The following MYOF variants were observed in gnomAD, a reference collection of about 807,000 sequenced individuals.
MYOF encodes the protein myoferlin, also known as fer-1-like 3, myoferlin.
Under a neutral mutation model 284.2 loss-of-function variants are expected in MYOF, and 244 were observed. The ratio of observed to expected loss-of-function variants is 0.86; its 90% CI spans 0.77 to 0.95. The LOEUF (loss-of-function observed/expected upper bound fraction) is 0.95. MYOF is among the 40% of genes least tolerant of loss of function. The pLI, the probability that MYOF is intolerant of heterozygous loss-of-function variation, is 0.00. For synonymous variants in MYOF, 904 were observed against 919.7 expected (o/e 0.98, Z 0.31); for missense variants, 2,496 against 2,560.6 (o/e 0.97, Z 0.54).
At chr10:93,366,975 T>G (rs10882223) in intron 25 of MYOF, among the ~76,000 whole-genome samples, 13,274 of 152,282 alleles carry the variant, frequency 0.087, 657 homozygotes, top group African/African-American at 0.15. Flanking sequence ...TTTATAAAAT[T>G]TATTTGTAAG....
At chr10:93,430,084 G>A (rs138058957) in intron 4 of MYOF, among the ~76,000 whole-genome samples, 1,596 of 151,776 alleles carry the variant, frequency 0.011, 24 homozygotes, top group African/African-American at 0.036. Context: ...ACAGGCACGT[G>A]CCACCATGCC....
intron 13 of MYOF, 27 bp downstream of exon 13, chr10:93,399,365 G>T (rs1429552384): frequency 1.3e-6 from 2 of 1,489,096 alleles, no homozygotes; most frequent in Non-Finnish European, 1.9e-6. Context: ...ATTACTAGCA[G>T]CATCTGCATT....
chr10:93,410,819 C>T (rs939011170), intron 5 of MYOF, among the ~76,000 whole-genome samples: 1 of 152,204 alleles, frequency 6.6e-6, no homozygotes, highest in Non-Finnish European at 1.5e-5. Context: ...GATTTAATTT[C>T]CAAGGACAGT....
At chr10:93,346,936 T>C (rs1844209949) in intron 37 of MYOF, among the ~76,000 whole-genome samples, 1 of 152,182 alleles carries the variant, frequency 6.6e-6, no homozygotes, top group Non-Finnish European at 1.5e-5. Flanking sequence ...ATCACTGATG[T>C]GGGAACAGCT....
intron 37 of MYOF, among the ~76,000 whole-genome samples, chr10:93,345,086 C>A (rs1167720012): frequency 2.6e-5 from 4 of 152,174 alleles, no homozygotes; most frequent in Non-Finnish European, 5.9e-5. Flanking sequence ...AAGGCCAGAA[C>A]CTAGACAGAA....
chr10:93,430,499 T>C (rs1848793842), intron 4 of MYOF, among the ~76,000 whole-genome samples: 1 of 151,190 alleles, frequency 6.6e-6, no homozygotes. Context: ...GAAGAATCAC[T>C]TGAACCCAGG....
intron 1 of MYOF, among the ~76,000 whole-genome samples, chr10:93,481,569 TC>T: frequency 6.6e-6 from 1 of 151,966 alleles, no homozygotes; most frequent in East Asian, 1.9e-4. Flanking sequence ...CAAAAAAAGC[TC>T]CCCAACAGTT....
chr10:93,452,204 C>T, intron 2 of MYOF, 63 bp from the exon 3 acceptor site: 1 of 965,878 alleles, frequency 1.0e-6, no homozygotes, highest in Non-Finnish European at 1.6e-6. Flanking sequence ...GCAGAGATTA[C>T]ACTAAGATGC....
chr10:93,481,533 G>T (rs1373847124), intron 1 of MYOF, among the ~76,000 whole-genome samples: 9 of 152,106 alleles, frequency 5.9e-5, no homozygotes, highest in Non-Finnish European at 8.8e-5. Context: ...TTTCCTCAAT[G>T]AGCAATTTAA....
At position 93,452,128 on chromosome 10, in the gene MYOF, T is replaced by C. The variant is rs1485726091; in HGVS notation, c.158A>G (p.Asp53Gly). ...NPVWNEILEF[D>G]LRGIPLDFSS... ...AAAGTCCAGTGGTATACCCCTCAAG[T>C]CAAACTCCAAAATCTGTTCACAGAA... The change falls in exon 3 of 54, where the codon GAC becomes GGC. Residue 53 changes from aspartate (D) to glycine (G), a missense_variant. Physicochemically the swap from Asp to Gly is moderately conservative, Grantham distance 94. Transcript: ENST00000359263. The C allele has an allele frequency of 6.2e-7, 1 of 1,606,796 alleles. No individual in the cohort carries two copies. Among genetic ancestry groups the C allele is most frequent in the African/African-American group, 1.3e-5 (1 of 74,084 alleles).
Position 93,482,332 on chromosome 10 carries a change from G to C in MYOF, c.-138C>G. 1.4e-6 allele frequency: 1 copy of C among 740,666 alleles called. No individual in the cohort carries two copies. Among genetic ancestry groups the C allele is most frequent in the African/African-American group, 1.8e-5 (1 of 56,516 alleles). 45.9% of individuals were successfully genotyped at this position (740,666 alleles called of 1,614,324 possible). A position where few individuals can be genotyped will look rare whatever the true frequency, so the allele number is the denominator to read the frequency against. On this transcript the variant is annotated 5_prime_UTR_variant, in exon 1 of 54. Transcript: ENST00000359263. ...TCTCCCAGGGCAAGGAAGGGGAAAA[G>C]GCAAAATGGGTGGACCTCTGGCGGA...
Position 93,351,245 on chromosome 10 carries a change from G to T in MYOF, c.3873C>A (p.Tyr1291Ter). 6.2e-7 allele frequency: 1 copy of T among 1,614,142 alleles called. No homozygotes were observed. The highest frequency in any genetic ancestry group is 8.5e-7 in the Non-Finnish European group (1 of 1,180,038). ...ILPPQRAPNL[Y>*]MVPQGIRPVV... ...CAGGCCTGATCCCCTGGGGGACCAT[G>T]TATAGATTTGGCGCCCTTTGAGGGG... Residue 1291 changes from tyrosine (Y) to a stop codon, truncating the protein, a stop_gained, in exon 35 of 54, where the codon TAC (tyrosine) becomes TAA (stop). Transcript: ENST00000359263. LOFTEE classifies it high-confidence loss of function.
chr10:93,310,177 A>G lies in MYOF; in HGVS notation c.6000-10T>C, dbSNP rs1842318599. ...GGAGGTTTCTGGTCGACTGCATTGC[A>G]AAGAAACAGTATCACCTACCCAACT... On this transcript the variant is annotated splice_polypyrimidine_tract_variant and intron_variant, in intron 52 of 53. Coordinates refer to ENST00000359263, the MANE Select transcript of MYOF (RefSeq NM_013451.4). The G allele has an allele frequency of 6.2e-6, 10 of 1,613,744 alleles. No individual in the cohort carries two copies. Among genetic ancestry groups the G allele is most frequent in the Non-Finnish European group, 8.5e-6 (10 of 1,179,640 alleles).
intron 21 of MYOF, among the ~76,000 whole-genome samples, chr10:93,379,411 G>A (rs971243543): frequency 1.3e-5 from 2 of 152,130 alleles, no homozygotes; most frequent in African/African-American, 2.4e-5. Flanking sequence ...GCATATGCCT[G>A]CCCAGGCATA....
chr10:93,325,982 C>T lies in MYOF; in HGVS notation c.5132-17G>A, dbSNP rs1467477542. ...TGTTGGCTTCTGCAATGGAAAGCAG[C>T]ATTGAAGCAGGAATGAGTATTTGGG... On this transcript the variant is annotated splice_polypyrimidine_tract_variant and intron_variant, in intron 45 of 53. Coordinates refer to ENST00000359263, the MANE Select transcript of MYOF (RefSeq NM_013451.4). The T allele has an allele frequency of 3.1e-6, 5 of 1,613,774 alleles. No homozygotes were observed. The highest frequency in any genetic ancestry group is 2.5e-6 in the Non-Finnish European group (3 of 1,179,882).
chr10:93,465,220 G>C (rs984487953), intron 1 of MYOF, among the ~76,000 whole-genome samples: 1 of 152,110 alleles, frequency 6.6e-6, no homozygotes, highest in African/African-American at 2.4e-5. Flanking sequence ...AACCCCGGTC[G>C]AAAGAGACAA....
At chr10:93,395,473 G>A (rs962466263) in intron 16 of MYOF, among the ~76,000 whole-genome samples, 1 of 152,116 alleles carries the variant, frequency 6.6e-6, no homozygotes, top group African/African-American at 2.4e-5. Context: ...GTATTACTGT[G>A]TTAACATTAA....
intron 1 of MYOF, among the ~76,000 whole-genome samples, chr10:93,470,139 G>A (rs2057106172): frequency 6.7e-6 from 1 of 149,942 alleles, no homozygotes; most frequent in African/African-American, 2.5e-5. Flanking sequence ...TGAGGTAGGA[G>A]AATCGCTTGA....
At position 93,333,833 on chromosome 10, in the gene MYOF, G is replaced by A. The variant is rs775750769; in HGVS notation, c.4644C>T (p.Ser1548=). 39 of 1,613,974 alleles carry A rather than the reference G, an allele frequency of 2.4e-5. No individual in the cohort carries two copies. The South Asian group carries it at 3.0e-4, about 12-fold the overall frequency. The change falls in exon 42 of 54, where the codon AGC becomes AGT. Residue 1548 remains serine (S), a synonymous_variant. Coordinates refer to ENST00000359263, the MANE Select transcript of MYOF (RefSeq NM_013451.4). ...TCCTAACCGTGCATTCCTGTGGGAC[G>A]CTGTCAGGTAATTCCCGAAACTGTC... The part of the protein sequence containing the change: ...PPRQFRELPD[S]VPQECTVRIY...
Sources: gnomAD v4.1 joint callset for allele counts (sites outside exome capture counted in the v4.1 genomes callset) on GRCh38, gnomAD v4.1.1 for gene constraint, MANE v1.5 for transcripts, NCBI Gene and HGNC (gene_info 2026-07-23, HGNC 2026-07-21) for gene names.